The following ZNF571 variants were observed in gnomAD, a reference collection of about 807,000 sequenced individuals.
The protein encoded by ZNF571 is zinc finger protein 571.
ZNF571 carries 4 observed loss-of-function variants against 7.7 expected under a neutral mutation model. The ratio of observed to expected loss-of-function variants is 0.52; its 90% CI spans 0.25 to 1.18. The LOEUF is 1.18. ZNF571 is among the 50% of genes most tolerant of loss of function. The pLI is 0.14. For synonymous variants in ZNF571, 251 were observed against 232.4 expected, an observed-to-expected ratio of 1.08 and a Z score of -0.73; for missense variants, 704 against 726.9, an observed-to-expected ratio of 0.97 and a Z score of 0.36.
At chr19:37,593,872 T>TC (rs1457752785) in intron 1 of ZNF571, among the ~76,000 whole-genome samples, 1 of 152,084 alleles carries the variant, frequency 6.6e-6, no homozygotes, top group Non-Finnish European at 1.5e-5. Context: ...GGCTGGTTCT[T>TC]CCTTAGGAAG....
At chr19:37,591,733 G>A (rs1056944465) in intron 1 of ZNF571, among the ~76,000 whole-genome samples, 1 of 151,930 alleles carries the variant, frequency 6.6e-6, no homozygotes, top group African/African-American at 2.4e-5. Flanking sequence ...TAGTAGAGAC[G>A]GGGTTTCTCC....
chr19:37,583,545 G>A (rs1219763637), intron 3 of ZNF571: 4 of 155,462 alleles, frequency 2.6e-5, no homozygotes, highest in African/African-American at 7.2e-5. Context: ...TGCCACCTAC[G>A]GATCAGCTGT....
At position 37,564,547 on chromosome 19, in the gene ZNF571, G is replaced by A. The variant is rs781452245; in HGVS notation, c.*51C>T. On this transcript the variant is annotated 3_prime_UTR_variant, in exon 4 of 4. Transcript: ENST00000451802. ...AGCAAGATGTTCTACATTCATTATAGATATGAAATAGATGAAGATTTTCTT... is the reference window on the plus strand; with the variant it reads ...AGCAAGATGTTCTACATTCATTATAAATATGAAATAGATGAAGATTTTCTT... 7.0e-7 allele frequency: 1 copy of A among 1,433,558 alleles called. No individual in the cohort carries two copies. Among genetic ancestry groups the A allele is most frequent in the Non-Finnish European group, 9.2e-7 (1 of 1,083,956 alleles). 88.8% of individuals were successfully genotyped at this position (1,433,558 alleles called of 1,614,324 possible).
intron 2 of ZNF571, chr19:37,584,941 G>C (rs1391190793): frequency 6.9e-6 from 1 of 144,640 alleles, no homozygotes; most frequent in Non-Finnish European, 1.5e-5. Context: ...TCCCGCCTGG[G>C]CCACAGAGCG....
chr19:37,581,427 C>A (rs4802051), intron 3 of ZNF571, among the ~76,000 whole-genome samples: 38,264 of 151,354 alleles, frequency 0.25, 5,473 homozygotes, highest in East Asian at 0.63. Context: ...ACCTTTATAC[C>A]ACCCCTCCAG....
chr19:37,569,205 G>T lies in ZNF571; in HGVS notation c.137-2914C>A, dbSNP rs1378554813. ...TGGCCTCAAGTGATCCACCTGCCCC[G>T]GACTCCCACAGCACTAGGATTACAG... On this transcript the variant is annotated intron_variant, in intron 3 of 3. Transcript: ENST00000451802. This position sits in a 1 kb window ranked among gnomAD's most constrained non-coding sequence, Gnocchi z 4.4. Among the ~76,000 whole-genome samples the T allele has an allele frequency of 6.6e-6, 1 of 151,968 alleles. No homozygotes were observed. The highest frequency in any genetic ancestry group is 2.4e-5 in the African/African-American group (1 of 41,356).
At chr19:37,571,445 G>A (rs1360594126) in intron 3 of ZNF571, among the ~76,000 whole-genome samples, 5 of 151,372 alleles carry the variant, frequency 3.3e-5, no homozygotes, top group Admixed American at 1.3e-4. Flanking sequence ...GCAGTGAGCC[G>A]AGATCACACC....
rs1600452538 is a variant in ZNF571, at chr19:37,564,801, A to C, written c.1627T>G (p.Ser543Ala). The C allele has an allele frequency of 6.2e-7, 1 of 1,613,862 alleles. No homozygotes were observed. ...GTTCTCAGATGTTCAGTAAGGTGTGAGCCACGAATAAAAGCCTTCCCACAC... is the reference window on the plus strand; with the variant it reads ...GTTCTCAGATGTTCAGTAAGGTGTGCGCCACGAATAAAAGCCTTCCCACAC... ...KQCGKAFIRG[S>A]HLTEHLRTHT... The change falls in exon 4 of 4, where the codon TCA (serine) becomes GCA (alanine). Residue 543 changes from serine to alanine, a missense_variant. Physicochemically the swap from Ser to Ala is moderately conservative, Grantham distance 99. Coordinates refer to ENST00000451802, the MANE Select transcript of ZNF571 (RefSeq NM_016536.5).
In ZNF571 at chr19:37,565,912, G is replaced by A; in HGVS notation, c.516C>T (p.His172=). 1 of 1,613,824 alleles carries A rather than the reference G, an allele frequency of 6.2e-7. No individual in the cohort carries two copies. Among genetic ancestry groups the A allele is most frequent in the Non-Finnish European group, 8.5e-7 (1 of 1,179,876 alleles). ...NIEKCSEVKK[H]RNTFSKKPSY... Reference sequence around the variant, plus strand: ...TTGGCTTTTTGCTAAAGGTATTCCTGTGTTTCTTAACTTCAGAGCATTTTT... The same window carrying A: ...TTGGCTTTTTGCTAAAGGTATTCCTATGTTTCTTAACTTCAGAGCATTTTT... Residue 172 remains histidine, a synonymous_variant, in exon 4 of 4, where the codon CAC becomes CAT. Coordinates refer to ENST00000451802, the MANE Select transcript of ZNF571 (RefSeq NM_016536.5).
At chr19:37,571,323 C>G (rs2043043661) in intron 3 of ZNF571, among the ~76,000 whole-genome samples, 2 of 151,902 alleles carry the variant, frequency 1.3e-5, no homozygotes, top group Admixed American at 6.6e-5. Context: ...GGTGAAACTC[C>G]CAGCTCTACT....
chr19:37,577,645 G>A (rs2043288722), intron 3 of ZNF571, among the ~76,000 whole-genome samples: 1 of 152,166 alleles, frequency 6.6e-6, no homozygotes, highest in South Asian at 2.1e-4. Context: ...TAGCAAAATA[G>A]TGAGAAGATC....
At position 37,580,470 on chromosome 19, in the gene ZNF571, A is replaced by G. The variant is rs1347739199; in HGVS notation, c.136+3501T>C. 6.6e-5 allele frequency among the ~76,000 whole-genome samples: 10 copies of G among 152,240 alleles called. 1 individual carries two copies. The highest frequency in any genetic ancestry group is 6.5e-4 in the Admixed American group (10 of 15,292). The stretch of plus-strand genomic sequence containing the variant: ...TTGATTTATCAGGCATGCCATGACA[A>G]TAACTACACTGATGGATATACAACA... On this transcript the variant is annotated intron_variant, in intron 3 of 3. Coordinates refer to ENST00000451802, the MANE Select transcript of ZNF571 (RefSeq NM_016536.5).
At chr19:37,579,522 G>T (rs1165215827) in intron 3 of ZNF571, among the ~76,000 whole-genome samples, 1 of 150,628 alleles carries the variant, frequency 6.6e-6, no homozygotes, top group Non-Finnish European at 1.5e-5. Flanking sequence ...ATGGTGCTGG[G>T]ATAACTGGCT....
At chr19:37,576,987 C>A (rs964328904) in intron 3 of ZNF571, among the ~76,000 whole-genome samples, 2 of 152,062 alleles carry the variant, frequency 1.3e-5, no homozygotes, top group Non-Finnish European at 2.9e-5. Context: ...CCATCTTCTG[C>A]AAAACCTTAA....
At chr19:37,571,554 C>T (rs1403616395) in intron 3 of ZNF571, among the ~76,000 whole-genome samples, 1 of 152,058 alleles carries the variant, frequency 6.6e-6, no homozygotes, top group Non-Finnish European at 1.5e-5. Context: ...CATAGCCAAA[C>T]CATACACAAG....
At chr19:37,566,832 T>G (rs561094261) in intron 3 of ZNF571, among the ~76,000 whole-genome samples, 1 of 152,122 alleles carries the variant, frequency 6.6e-6, no homozygotes, top group Admixed American at 6.6e-5. Context: ...CTAAAAATCT[T>G]CCCTATTAAT....
chr19:37,591,670 G>A (rs961446921), intron 1 of ZNF571, among the ~76,000 whole-genome samples: 2 of 152,056 alleles, frequency 1.3e-5, no homozygotes, highest in Middle Eastern at 3.4e-3. Context: ...TCAGCCTCCC[G>A]AGTAGCTGGG....
rs200573176 is a variant in ZNF571, at chr19:37,586,667, C to T, written c.9+1G>A. On this transcript the variant is annotated splice_donor_variant, in intron 2 of 3. Coordinates refer to ENST00000451802, the MANE Select transcript of ZNF571 (RefSeq NM_016536.5). LOFTEE classifies it high-confidence loss of function. ...CAAGAAGGAAAGAAACAGCAACTCA[C>T]GTGGGGCATGGTTTTTTAGAACTGA... The T allele has an allele frequency of 3.7e-6, 6 of 1,614,060 alleles. No homozygotes were observed. The highest frequency in any genetic ancestry group is 2.2e-5 in the East Asian group (1 of 44,874).
chr19:37,571,546 T>C (rs768065756), intron 3 of ZNF571, among the ~76,000 whole-genome samples: 5 of 152,042 alleles, frequency 3.3e-5, no homozygotes, highest in Non-Finnish European at 5.9e-5. Context: ...AACAAATCCA[T>C]AGCCAAACCA....
Sources: allele counts gnomAD v4.1 joint callset (sites outside exome capture counted in the v4.1 genomes callset), GRCh38; gene constraint gnomAD v4.1.1; non-coding constraint Gnocchi (gnomAD v3.1); transcripts MANE v1.5; gene names NCBI Gene and HGNC (gene_info 2026-07-23, HGNC 2026-07-21).